DIXDC1: variants seen among roughly 807,000 people sequenced by gnomAD.
The protein encoded by DIXDC1 is dixin.
Under a neutral mutation model 103.1 loss-of-function variants are expected in DIXDC1, and 64 were observed. That is an observed-to-expected ratio of 0.62 (90% CI 0.51 to 0.76). The LOEUF (loss-of-function observed/expected upper bound fraction) is 0.76. Ranked by LOEUF, DIXDC1 falls within the 30% of genes least tolerant of loss-of-function variation. The probability of loss-of-function intolerance (pLI) is 0.00; values close to 1 mark genes in which losing one functional copy is unlikely to be tolerated. For missense variants in DIXDC1, 759 were observed against 834.2 expected (o/e 0.91, Z 1.11); for synonymous variants, 266 against 298.5 (o/e 0.89, Z 1.12).
At chr11:111,927,546 G>C in intron 1 of DIXDC1, among the ~76,000 whole-genome samples, 1 of 152,154 alleles carries the variant, frequency 6.6e-6, no homozygotes, top group East Asian at 1.9e-4. Flanking sequence ...TTAGTGTGCA[G>C]TTTTCTGCTT....
At chr11:111,993,352 G>A (rs1299909110) in intron 12 of DIXDC1, 144 bp from the exon 13 acceptor site, 8 of 770,518 alleles carry the variant, frequency 1.0e-5, no homozygotes, top group African/African-American at 1.8e-5. Flanking sequence ...TTATTATGGT[G>A]TGTAAAGTCT....
At chr11:111,963,625 TAC>T in intron 1 of DIXDC1, among the ~76,000 whole-genome samples, 1 of 152,362 alleles carries the variant, frequency 6.6e-6, no homozygotes, top group Non-Finnish European at 1.5e-5. Flanking sequence ...TCAGAGCTGC[TAC>T]TTGGAGAGTG....
At chr11:111,982,630 G>A (rs1188160403) in intron 7 of DIXDC1, 143 bp downstream of exon 7, 11 of 893,160 alleles carry the variant, frequency 1.2e-5, no homozygotes, top group African/African-American at 1.7e-5. Context: ...CACAGAAAGA[G>A]CAGAAAATTC....
intron 3 of DIXDC1, among the ~76,000 whole-genome samples, chr11:111,970,533 A>C (rs1859883534): frequency 6.6e-6 from 1 of 152,074 alleles, no homozygotes; most frequent in Non-Finnish European, 1.5e-5. Context: ...GTGGTGGTGC[A>C]TGCCTGTAGT....
In DIXDC1 at chr11:111,968,610, G is replaced by T. The variant is rs1859811390; in HGVS notation, c.288G>T (p.Lys96Asn). 1.2e-6 allele frequency: 2 copies of T among 1,611,054 alleles called. No homozygotes were observed. Among genetic ancestry groups the T allele is most frequent in the African/African-American group, 2.7e-5 (2 of 74,862 alleles). Residue 96 changes from lysine to asparagine, a missense_variant, in exon 3 of 20, where the codon AAG (lysine) becomes AAT (asparagine). Around this residue, in one of 3 missense-constraint regions of DIXDC1, gnomAD observed 657 missense variants for 727.5 expected, o/e 0.90. Coordinates refer to ENST00000440460, the MANE Select transcript of DIXDC1 (RefSeq NM_001037954.4). ...EKVLQFVASKKIRMHQTSAKD... is the reference protein window; with the variant it reads ...EKVLQFVASKNIRMHQTSAKD... ...TGCTACAGTTTGTGGCCTCTAAAAA[G>T]ATTCGTATGCACCAGACTTCGGCTA...
intron 17 of DIXDC1, among the ~76,000 whole-genome samples, chr11:112,004,647 T>C (rs1449267975): frequency 1.3e-5 from 2 of 152,154 alleles, no homozygotes; most frequent in East Asian, 3.9e-4. Context: ...GGACTGCTTC[T>C]GAGGCAGGAA....
chr11:111,995,386 C>T lies in DIXDC1; in HGVS notation c.1528-17C>T. On this transcript the variant is annotated splice_polypyrimidine_tract_variant and intron_variant, in intron 15 of 19. Transcript: ENST00000440460. ...TGGCACCGTGCCATGCCAGCAACACCTTATTTTTGCCCACAGACCAGCGAC... is the reference window on the plus strand; with the variant it reads ...TGGCACCGTGCCATGCCAGCAACACTTTATTTTTGCCCACAGACCAGCGAC... 3.1e-6 allele frequency: 5 copies of T among 1,609,368 alleles called. No individual in the cohort carries two copies. The highest frequency in any genetic ancestry group is 3.4e-6 in the Non-Finnish European group (4 of 1,179,848).
intron 2 of DIXDC1, among the ~76,000 whole-genome samples, chr11:111,967,142 C>T (rs1859765397): frequency 1.3e-5 from 2 of 152,110 alleles, no homozygotes; most frequent in East Asian, 3.8e-4. Context: ...TTCTCTACTC[C>T]TAAGTGATTT....
chr11:111,983,056 C>T (rs1441997015), intron 7 of DIXDC1, among the ~76,000 whole-genome samples: 1 of 152,212 alleles, frequency 6.6e-6, no homozygotes, highest in Non-Finnish European at 1.5e-5. Flanking sequence ...GCAAATCTAC[C>T]CGAGACTGAC....
chr11:112,009,803 C>T (rs998845506), intron 17 of DIXDC1, among the ~76,000 whole-genome samples: 5 of 152,090 alleles, frequency 3.3e-5, no homozygotes, highest in East Asian at 1.9e-4. Context: ...ATTGATGGAA[C>T]GTATCTCAAA....
At chr11:111,937,178 G>A (rs1418509346), upstream of DIXDC1, 5 of 969,268 alleles carry the variant, frequency 5.2e-6, no homozygotes, top group African/African-American at 4.0e-5. Flanking sequence ...GCGCGCCCTC[G>A]CCAGCCCGCC....
intron 1 of DIXDC1, chr11:111,929,789 T>A: frequency 7.1e-7 from 1 of 1,417,042 alleles, no homozygotes; most frequent in Non-Finnish European, 9.5e-7. Context: ...GCTTGTTATT[T>A]TGTACATTTC....
intron 1 of DIXDC1, among the ~76,000 whole-genome samples, chr11:111,947,227 AT>A (rs1457002334): frequency 9.2e-5 from 14 of 152,026 alleles, no homozygotes; most frequent in African/African-American, 3.4e-4. Context: ...GCTTTTCCCT[AT>A]TTTACATATC....
At chr11:111,929,928 T>A in intron 2 of DIXDC1, 1 of 1,534,978 alleles carries the variant, frequency 6.5e-7, no homozygotes, top group Non-Finnish European at 8.7e-7. Context: ...TTTGGTGTAC[T>A]ATTGTGAAAA....
At chr11:111,961,941 A>T (rs1450872359) in intron 1 of DIXDC1, among the ~76,000 whole-genome samples, 3 of 151,950 alleles carry the variant, frequency 2.0e-5, no homozygotes, top group Non-Finnish European at 4.4e-5. Flanking sequence ...CCTTCAGGAG[A>T]CCCTCTGAAG....
rs1191164949 is a variant in DIXDC1 at position 111,976,541 on chromosome 11, C to A, written c.656+1558C>A. ...AGTAGCTGCCTTTTCCTCAGTGAGTCCCTGGGGAAGGAGAGGGCTTCTTGT... is the reference window on the plus strand; with the variant it reads ...AGTAGCTGCCTTTTCCTCAGTGAGTACCTGGGGAAGGAGAGGGCTTCTTGT... On this transcript the variant is annotated intron_variant, in intron 5 of 19. Coordinates refer to ENST00000440460, the MANE Select transcript of DIXDC1 (RefSeq NM_001037954.4). This position sits in a 1 kb window ranked among gnomAD's most constrained non-coding sequence, Gnocchi z 4.3. 6.6e-6 allele frequency among the ~76,000 whole-genome samples: 1 copy of A among 152,150 alleles called. No individual in the cohort carries two copies. The highest frequency in any genetic ancestry group is 1.5e-5 in the Non-Finnish European group (1 of 68,038).
rs77141614 is a variant in DIXDC1 at position 111,996,893 on chromosome 11, G to A, written c.1756+747G>A. The stretch of plus-strand genomic sequence containing the variant: ...TGAGTGCTTAAGGCGTTTAGTTTAA[G>A]TCCTGCAAAATGTTTGCACCATCTA... On this transcript the variant is annotated intron_variant, in intron 17 of 19. Transcript: ENST00000440460. Among the ~76,000 whole-genome samples, 345 of 152,272 alleles carry A rather than the reference G, an allele frequency of 2.3e-3. 1 individual carries two copies. Among genetic ancestry groups the A allele is most frequent in the Admixed American group, 3.8e-3 (58 of 15,286 alleles).
chr11:111,952,384 C>G (rs1462594373), intron 1 of DIXDC1, among the ~76,000 whole-genome samples: 5 of 152,122 alleles, frequency 3.3e-5, no homozygotes, highest in Non-Finnish European at 7.4e-5. Flanking sequence ...AATAAATACA[C>G]AAGAACAGTC....
At chr11:112,006,446 T>A (rs1264603240) in intron 17 of DIXDC1, among the ~76,000 whole-genome samples, 1 of 152,236 alleles carries the variant, frequency 6.6e-6, no homozygotes, top group East Asian at 1.9e-4. Context: ...TCTACCAGCA[T>A]GGCGTTTGAG....
Sources: gnomAD v4.1 joint callset for allele counts (sites outside exome capture counted in the v4.1 genomes callset) on GRCh38, gnomAD v4.1.1 for gene constraint, gnomAD v4.1.1 regional missense constraint, Gnocchi (gnomAD v3.1) non-coding constraint, MANE v1.5 for transcripts, NCBI Gene and HGNC (gene_info 2026-07-23, HGNC 2026-07-21) for gene names.